PRKD1: variants seen among roughly 807,000 people sequenced by gnomAD.
PRKD1 encodes the protein protein kinase D1.
PRKD1 carries 63 observed loss-of-function variants against 95.9 expected under a neutral mutation model. The observed-to-expected ratio is 0.66, with a 90% CI of 0.54 to 0.81. PRKD1 has a LOEUF of 0.81. Among genes scored for constraint, PRKD1 ranks in the 30% least tolerant of loss-of-function variants. PRKD1 has a pLI of 0.00. For synonymous variants in PRKD1, 425 were observed against 423.1 expected (o/e 1.00, Z -0.05); for missense variants, 1,048 against 1,165.3 (o/e 0.90, Z 1.47).
intron 1 of PRKD1, among the ~76,000 whole-genome samples, chr14:29,765,286 T>G (rs1888207023): frequency 6.6e-6 from 1 of 152,018 alleles, no homozygotes; most frequent in South Asian, 2.1e-4. Flanking sequence ...AATAAACACA[T>G]GCGAAAGTGC....
chr14:29,577,318 G>A lies in PRKD1; in HGVS notation c.2659C>T (p.Pro887Ser). The A allele has an allele frequency of 6.2e-7, 1 of 1,613,818 alleles. No homozygotes were observed. The highest frequency in any genetic ancestry group is 8.5e-7 in the Non-Finnish European group (1 of 1,179,846). ...GLQYPTHLINPSASHSDTPET... is the reference protein window; with the variant it reads ...GLQYPTHLINSSASHSDTPET... ...GGAGTGTCACTGTGGCTAGCACTTGGATTGATCAGGTGTGTGGGGTACTGC... is the reference window on the plus strand; with the variant it reads ...GGAGTGTCACTGTGGCTAGCACTTGAATTGATCAGGTGTGTGGGGTACTGC... The change falls in exon 18 of 18, where the codon CCA becomes TCA. Residue 887 changes from proline to serine, a missense_variant. This residue lies in a region of PRKD1 where 739 missense variants were observed against 861.9 expected (regional missense o/e 0.86). Coordinates refer to ENST00000331968, the MANE Select transcript of PRKD1 (RefSeq NM_002742.3).
chr14:29,850,553 C>T (rs1414052860), intron 1 of PRKD1, among the ~76,000 whole-genome samples: 2 of 151,626 alleles, frequency 1.3e-5, no homozygotes, highest in African/African-American at 2.4e-5. Context: ...AGGATAACTA[C>T]AAAACATTGC....
chr14:29,913,740 G>A (rs1258874311), intron 1 of PRKD1, among the ~76,000 whole-genome samples: 1 of 152,178 alleles, frequency 6.6e-6, no homozygotes, highest in Non-Finnish European at 1.5e-5. Flanking sequence ...TTTGGTAAAG[G>A]AAAGCTAGGC....
chr14:29,613,798 G>C (rs1426010792), intron 13 of PRKD1, among the ~76,000 whole-genome samples: 2 of 152,084 alleles, frequency 1.3e-5, no homozygotes, highest in African/African-American at 4.8e-5. Flanking sequence ...TGGTCTTATC[G>C]CAGGCTTTGT....
At chr14:29,879,632 G>C (rs926493990) in intron 1 of PRKD1, among the ~76,000 whole-genome samples, 11 of 152,192 alleles carry the variant, frequency 7.2e-5, no homozygotes, top group African/African-American at 2.7e-4. Context: ...CTTTGGAACT[G>C]GGTAAGAGAC....
intron 1 of PRKD1, among the ~76,000 whole-genome samples, chr14:29,775,956 GA>G (rs774457181): frequency 5.9e-5 from 9 of 152,248 alleles, no homozygotes; most frequent in Admixed American, 3.3e-4. Context: ...GCTTCCAGAG[GA>G]ACAATCAGGC....
intron 2 of PRKD1, among the ~76,000 whole-genome samples, chr14:29,698,545 T>C (rs1250067762): frequency 6.6e-6 from 1 of 152,108 alleles, no homozygotes; most frequent in Non-Finnish European, 1.5e-5. Context: ...CTTTTCCAAT[T>C]CCTTTTTAGC....
chr14:29,834,453 T>A (rs936492081), intron 1 of PRKD1, among the ~76,000 whole-genome samples: 1 of 152,150 alleles, frequency 6.6e-6, no homozygotes, highest in Non-Finnish European at 1.5e-5. Context: ...ATATCTTTTT[T>A]TCATTAACCC....
intron 4 of PRKD1, among the ~76,000 whole-genome samples, chr14:29,643,866 T>TAACTAAA (rs1239575039): frequency 2.4e-4 from 36 of 152,354 alleles, no homozygotes; most frequent in African/African-American, 7.9e-4. Context: ...AAAATATTTC[T>TAACTAAA]GTGCGTTAAC....
chr14:29,883,080 C>T (rs1893572468), intron 1 of PRKD1, among the ~76,000 whole-genome samples: 2 of 152,174 alleles, frequency 1.3e-5, no homozygotes, highest in Admixed American at 1.3e-4. Flanking sequence ...GGACCTTTTA[C>T]TCATGGTGGA....
chr14:29,857,398 A>G (rs1169346169), intron 1 of PRKD1, among the ~76,000 whole-genome samples: 1 of 152,214 alleles, frequency 6.6e-6, no homozygotes, highest in Non-Finnish European at 1.5e-5. Flanking sequence ...TGGAAGGAAG[A>G]GAAAAAGTTA....
At chr14:29,924,525 T>C (rs45621832) in intron 1 of PRKD1, among the ~76,000 whole-genome samples, 5,673 of 152,292 alleles carry the variant, frequency 0.037, 152 homozygotes, top group Middle Eastern at 0.085. Flanking sequence ...GTATGATCTA[T>C]GTTAGTACTT....
chr14:29,853,669 T>C (rs752618148), intron 1 of PRKD1, among the ~76,000 whole-genome samples: 1 of 152,204 alleles, frequency 6.6e-6, no homozygotes, highest in Non-Finnish European at 1.5e-5. Context: ...TCATCTTTGA[T>C]AATAGAGGAT....
intron 1 of PRKD1, among the ~76,000 whole-genome samples, chr14:29,866,570 A>T (rs953588910): frequency 9.9e-5 from 15 of 152,236 alleles, no homozygotes; most frequent in African/African-American, 3.6e-4. Context: ...GTGAAAGCAC[A>T]GACAAAAGGA....
At chr14:29,600,840 C>T (rs1420193678) in intron 13 of PRKD1, among the ~76,000 whole-genome samples, 2 of 146,410 alleles carry the variant, frequency 1.4e-5, no homozygotes, top group Admixed American at 6.8e-5. Flanking sequence ...TAAATCTGAA[C>T]GTTCTTCTGG....
At chr14:29,726,330 G>A (rs1439217329) in intron 1 of PRKD1, among the ~76,000 whole-genome samples, 3 of 152,114 alleles carry the variant, frequency 2.0e-5, no homozygotes, top group Non-Finnish European at 4.4e-5. Context: ...GCACAGCATG[G>A]AGGGTTTCTG....
At chr14:29,923,285 A>G (rs550679240) in intron 1 of PRKD1, among the ~76,000 whole-genome samples, 1 of 152,086 alleles carries the variant, frequency 6.6e-6, no homozygotes, top group South Asian at 2.1e-4. Context: ...TCATCATTAA[A>G]TCAGAAATCA....
rs544359604 is a variant in PRKD1, at chr14:29,674,494, T to A, written c.404-8286A>T. 1.2e-4 allele frequency among the ~76,000 whole-genome samples: 18 copies of A among 152,248 alleles called. 1 individual carries two copies. The South Asian group carries it at 3.1e-3, about 26-fold the overall frequency. ...AGCTGGAAAGAGATTAGAGAGCATC[T>A]CAGGTCAAGAAAGAATATAAATGGT... On this transcript the variant is annotated intron_variant, in intron 2 of 17. Coordinates refer to ENST00000331968, the MANE Select transcript of PRKD1 (RefSeq NM_002742.3).
chr14:29,674,834 T>C (rs1054773251), intron 2 of PRKD1, among the ~76,000 whole-genome samples: 4 of 152,222 alleles, frequency 2.6e-5, no homozygotes, highest in African/African-American at 7.2e-5. Flanking sequence ...ACAAATAGCA[T>C]CACTGTTGTC....
Sources: allele counts gnomAD v4.1 joint callset (sites outside exome capture counted in the v4.1 genomes callset), GRCh38; gene constraint gnomAD v4.1.1; regional missense constraint gnomAD v4.1.1; transcripts MANE v1.5; gene names NCBI Gene and HGNC (gene_info 2026-07-23, HGNC 2026-07-21).